Variants in ANO2 observed in about 807,000 individuals in gnomAD.
ANO2 encodes anoctamin-2.
A neutral mutation model predicts 124.2 loss-of-function variants in ANO2; 101 were observed. The ratio of observed to expected loss-of-function variants is 0.81; its 90% CI spans 0.69 to 0.96. The LOEUF is 0.96. Among genes scored for constraint, ANO2 ranks in the 40% least tolerant of loss-of-function variants. The probability of loss-of-function intolerance (pLI) is 0.00; values close to 1 mark genes in which losing one functional copy is unlikely to be tolerated. For synonymous variants in ANO2, 486 were observed against 482.5 expected (o/e 1.01, Z -0.09); for missense variants, 1,293 against 1,274.5 (o/e 1.01, Z -0.22).
chr12:5,771,140 G>A (rs982966787), intron 10 of ANO2, among the ~76,000 whole-genome samples: 3 of 152,192 alleles, frequency 2.0e-5, no homozygotes, highest in African/African-American at 7.2e-5. Flanking sequence ...TGTATTCTTA[G>A]TGCCTAGAAT....
chr12:5,843,231 C>T (rs1954577662), intron 4 of ANO2, among the ~76,000 whole-genome samples: 1 of 152,140 alleles, frequency 6.6e-6, no homozygotes, highest in Non-Finnish European at 1.5e-5. Flanking sequence ...TTCCCACGAC[C>T]GAGGATCTGC....
At chr12:5,576,319 T>C (rs1565428704) in intron 22 of ANO2, among the ~76,000 whole-genome samples, 1 of 152,178 alleles carries the variant, frequency 6.6e-6, no homozygotes, top group Non-Finnish European at 1.5e-5. Flanking sequence ...ATATCTAACA[T>C]TGCTGTTGAG....
intron 14 of ANO2, among the ~76,000 whole-genome samples, chr12:5,688,293 C>T (rs956954442): frequency 6.6e-6 from 1 of 152,174 alleles, no homozygotes; most frequent in African/African-American, 2.4e-5. Flanking sequence ...GAAGCCTGGC[C>T]TGAACTGGAG....
At chr12:5,566,266 A>G (rs1941753667) in intron 23 of ANO2, among the ~76,000 whole-genome samples, 1 of 152,132 alleles carries the variant, frequency 6.6e-6, no homozygotes, top group Admixed American at 6.5e-5. Flanking sequence ...ATCACAGTTG[A>G]TCAGTATTCT....
chr12:5,836,025 A>G (rs1316500973), intron 4 of ANO2, among the ~76,000 whole-genome samples: 1 of 152,220 alleles, frequency 6.6e-6, no homozygotes, highest in Admixed American at 6.5e-5. Flanking sequence ...GTGGGAGGGA[A>G]GCTGATGGAC....
intron 4 of ANO2, among the ~76,000 whole-genome samples, chr12:5,849,546 A>T (rs1440252554): frequency 6.6e-6 from 1 of 152,192 alleles, no homozygotes; most frequent in East Asian, 1.9e-4. Context: ...CTGTGCATGG[A>T]TCTTGAGTGT....
intron 7 of ANO2, 152 bp downstream of exon 7, chr12:5,827,617 A>G (rs1954004485): frequency 7.7e-6 from 7 of 910,994 alleles, no homozygotes; most frequent in Non-Finnish European, 1.2e-5. Context: ...CCTGGGGCCA[A>G]GGCAGGCTTC....
At chr12:5,630,429 T>C (rs1047188832) in intron 16 of ANO2, among the ~76,000 whole-genome samples, 5 of 152,208 alleles carry the variant, frequency 3.3e-5, no homozygotes, top group Admixed American at 3.3e-4. Context: ...AGTGTGGGTA[T>C]TCTTTGCCAT....
chr12:5,621,547 A>G (rs983619292), intron 16 of ANO2, among the ~76,000 whole-genome samples: 2 of 152,164 alleles, frequency 1.3e-5, no homozygotes, highest in Non-Finnish European at 2.9e-5. Context: ...GGAAGGGCAG[A>G]GAGGAAATGG....
intron 2 of ANO2, 31 bp downstream of exon 2, chr12:5,922,589 T>TGCCCC: frequency 2.4e-5 from 35 of 1,450,042 alleles, no homozygotes; most frequent in Middle Eastern, 5.0e-4. Flanking sequence ...GGCTGGCCTA[T>TGCCCC]CCCCCCACCC....
intron 11 of ANO2, among the ~76,000 whole-genome samples, chr12:5,750,368 C>A (rs975477655): frequency 6.6e-6 from 1 of 152,320 alleles, no homozygotes; most frequent in East Asian, 1.9e-4. Context: ...CTGTGCCTTC[C>A]TCAGCATTAG....
At chr12:5,867,154 C>G (rs1174450230) in intron 3 of ANO2, among the ~76,000 whole-genome samples, 1 of 152,232 alleles carries the variant, frequency 6.6e-6, no homozygotes, top group Admixed American at 6.5e-5. Flanking sequence ...CACAAAGAGG[C>G]AGTGTAGACT....
At chr12:5,758,866 G>A (rs982665246) in intron 10 of ANO2, among the ~76,000 whole-genome samples, 13 of 152,120 alleles carry the variant, frequency 8.5e-5, no homozygotes, top group African/African-American at 2.9e-4. Context: ...CCATTGTCAG[G>A]AAATAAGGCA....
intron 7 of ANO2, among the ~76,000 whole-genome samples, chr12:5,809,246 A>G (rs1393273158): frequency 1.3e-5 from 2 of 152,200 alleles, no homozygotes; most frequent in African/African-American, 2.4e-5. Context: ...CCATAACCAC[A>G]GCAATGTGAA....
At chr12:5,921,788 C>T (rs1054345024) in intron 2 of ANO2, among the ~76,000 whole-genome samples, 1 of 152,170 alleles carries the variant, frequency 6.6e-6, no homozygotes, top group African/African-American at 2.4e-5. Flanking sequence ...ACTCCTGCAC[C>T]ATACAGGTGA....
At chr12:5,839,787 T>C (rs1286365944) in intron 4 of ANO2, among the ~76,000 whole-genome samples, 1 of 152,196 alleles carries the variant, frequency 6.6e-6, no homozygotes, top group Non-Finnish European at 1.5e-5. Flanking sequence ...TTAGCATCTC[T>C]ACCTTATAGA....
At chr12:5,621,311 ATG>A (rs1945107904) in intron 16 of ANO2, among the ~76,000 whole-genome samples, 1 of 152,212 alleles carries the variant, frequency 6.6e-6, no homozygotes, top group Non-Finnish European at 1.5e-5. Flanking sequence ...GACAGGAAAA[ATG>A]TGTTTGGAAG....
At position 5,635,096 on chromosome 12, in the gene ANO2, G is replaced by C; in HGVS notation, c.1816+56C>G. The C allele has an allele frequency of 7.0e-7, 1 of 1,423,590 alleles. No individual in the cohort carries two copies. The highest frequency in any genetic ancestry group is 9.4e-7 in the Non-Finnish European group (1 of 1,067,702). 88.2% of individuals were successfully genotyped at this position (1,423,590 alleles called of 1,614,324 possible). ...TTTTTATTTTATCACCAAAAGCCTTGCACGCATTGACTTAAAGAGGGCCTA... is the reference window on the plus strand; with the variant it reads ...TTTTTATTTTATCACCAAAAGCCTTCCACGCATTGACTTAAAGAGGGCCTA... On this transcript the variant is annotated intron_variant, in intron 16 of 24. Coordinates refer to ENST00000682330, the MANE Select transcript of ANO2 (RefSeq NM_001364791.2). The surrounding 1 kb of genome is among the most constrained non-coding windows in gnomAD (Gnocchi z 5.2).
intron 14 of ANO2, among the ~76,000 whole-genome samples, chr12:5,699,118 G>A (rs188266467): frequency 1.7e-4 from 26 of 152,294 alleles, no homozygotes; most frequent in African/African-American, 5.8e-4. Flanking sequence ...CTCGAGAAGA[G>A]CAACTCCAAG....
Sources: allele counts gnomAD v4.1 joint callset (sites outside exome capture counted in the v4.1 genomes callset), GRCh38; gene constraint gnomAD v4.1.1; non-coding constraint Gnocchi (gnomAD v3.1); transcripts MANE v1.5; gene names NCBI Gene and HGNC (gene_info 2026-07-23, HGNC 2026-07-21).